Variants in CAST observed in about 807,000 individuals in gnomAD.
CAST encodes the protein MIR583 host.
A neutral mutation model predicts 119.6 loss-of-function variants in CAST; 76 were observed. The observed-to-expected ratio is 0.64, with a 90% CI of 0.53 to 0.77. CAST has a LOEUF of 0.77. Ranked by LOEUF, CAST falls within the 30% of genes least tolerant of loss-of-function variation. The pLI, the probability that CAST is intolerant of heterozygous loss-of-function variation, is 0.00. For synonymous variants in CAST, 319 were observed against 331.6 expected (o/e 0.96, Z 0.41); for missense variants, 953 against 946.5 (o/e 1.01, Z -0.09).
chr5:96,098,641 G>A, the CAST span, among the ~76,000 whole-genome samples: 1 of 152,094 alleles, frequency 6.6e-6, no homozygotes, highest in Non-Finnish European at 1.5e-5. Flanking sequence ...GTAGGTGTGT[G>A]GTCTTATTTC....
At chr5:96,552,510 T>A (rs1338884394) in intron 1 of CAST, among the ~76,000 whole-genome samples, 1 of 151,856 alleles carries the variant, frequency 6.6e-6, no homozygotes, top group Non-Finnish European at 1.5e-5. Context: ...TTAAAAGAAC[T>A]AAAGAAGCAA....
chr5:96,693,073 C>T (rs189225446), intron 2 of CAST, among the ~76,000 whole-genome samples: 1 of 152,198 alleles, frequency 6.6e-6, no homozygotes, highest in African/African-American at 2.4e-5. Flanking sequence ...ATTTTCAGTG[C>T]CAGATGTCAA....
chr5:96,426,027 G>A, the CAST span: 1 of 737,026 alleles, frequency 1.4e-6, no homozygotes, highest in Non-Finnish European at 2.4e-6. Flanking sequence ...CAGAGTTCAG[G>A]CAGCTCTGCA....
At chr5:96,605,725 A>G (rs1406874260) in intron 1 of CAST, among the ~76,000 whole-genome samples, 1 of 152,236 alleles carries the variant, frequency 6.6e-6, no homozygotes, top group East Asian at 1.9e-4. Flanking sequence ...TAGAAACATA[A>G]CTATCTTATT....
the CAST span, among the ~76,000 whole-genome samples, chr5:96,203,480 C>T: frequency 6.6e-6 from 1 of 151,862 alleles, no homozygotes; most frequent in Non-Finnish European, 1.5e-5. Flanking sequence ...AAATTTGTGA[C>T]ATATGTGTTT....
the CAST span, among the ~76,000 whole-genome samples, chr5:96,227,964 A>G: frequency 1.3e-5 from 2 of 151,750 alleles, no homozygotes; most frequent in African/African-American, 4.9e-5. Context: ...TTTCAGCTTC[A>G]CCGATTTCAC....
At chr5:96,435,780 A>C in the CAST span, among the ~76,000 whole-genome samples, 1 of 152,238 alleles carries the variant, frequency 6.6e-6, no homozygotes, top group Non-Finnish European at 1.5e-5. Context: ...CTAAGCATTC[A>C]TTAAGGTTTC....
At chr5:96,662,155 C>A (rs769312998), upstream of CAST, 1 of 391,056 alleles carries the variant, frequency 2.6e-6, no homozygotes, top group East Asian at 4.4e-5. Context: ...GGGGCCGGGG[C>A]GGGTCACCGG....
rs190641582 is a variant in CAST at position 96,557,502 on chromosome 5, G to T, written c.60+27622G>T. Among the ~76,000 whole-genome samples the T allele has an allele frequency of 2.1e-3, 324 of 152,086 alleles. 6 individuals are homozygous for T. The highest frequency in any genetic ancestry group is 3.0e-3 in the Non-Finnish European group (205 of 67,928). On this transcript the variant is annotated intron_variant, in intron 1 of 11. Transcript: ENST00000505143. Reference sequence around the variant, plus strand: ...GACACACACAGGCTCAAAATAAAGGGATGGAGAAAGATCTATCAAGCAAAT... The same window carrying T: ...GACACACACAGGCTCAAAATAAAGGTATGGAGAAAGATCTATCAAGCAAAT...
At chr5:96,623,271 A>G (rs552968537) in intron 1 of CAST, among the ~76,000 whole-genome samples, 123 of 151,834 alleles carry the variant, frequency 8.1e-4, no homozygotes, top group African/African-American at 2.9e-3. Context: ...TTTTTTTTCC[A>G]TGAGTTCAAA....
At chr5:96,204,166 C>T in the CAST span, among the ~76,000 whole-genome samples, 1 of 152,132 alleles carries the variant, frequency 6.6e-6, no homozygotes, top group South Asian at 2.1e-4. Context: ...CCTCTTAATA[C>T]CCAAGTGATA....
chr5:96,186,589 G>A, the CAST span, among the ~76,000 whole-genome samples: 1 of 152,108 alleles, frequency 6.6e-6, no homozygotes, highest in Non-Finnish European at 1.5e-5. Flanking sequence ...AGCTTTTTCT[G>A]CATCTATTGA....
At chr5:96,732,037 C>T (rs530732073) in intron 9 of CAST, among the ~76,000 whole-genome samples, 1 of 151,424 alleles carries the variant, frequency 6.6e-6, no homozygotes, top group Non-Finnish European at 1.5e-5. Context: ...ATGGCTAGGT[C>T]AAATGGTATT....
At chr5:96,051,438 G>A in the CAST span, among the ~76,000 whole-genome samples, 1 of 152,080 alleles carries the variant, frequency 6.6e-6, no homozygotes, top group African/African-American at 2.4e-5. Flanking sequence ...TAAAATTCTG[G>A]CAGGAAGTAG....
chr5:96,391,257 G>C, the CAST span: 1 of 152,184 alleles, frequency 6.6e-6, no homozygotes, highest in Non-Finnish European at 1.5e-5. Context: ...GTGAAAATTT[G>C]TGTTACCAAC....
the CAST span, among the ~76,000 whole-genome samples, chr5:96,264,082 G>T: frequency 6.6e-6 from 1 of 152,174 alleles, no homozygotes; most frequent in Non-Finnish European, 1.5e-5. Flanking sequence ...AGCAAAATTA[G>T]CTTTCATACA....
At chr5:96,422,919 C>T in the CAST span, among the ~76,000 whole-genome samples, 1 of 144,988 alleles carries the variant, frequency 6.9e-6, no homozygotes, top group Non-Finnish European at 1.5e-5. Flanking sequence ...TATAATTTTA[C>T]AATGTCAGGG....
Position 96,730,853 on chromosome 5 carries a change from G to C in CAST, c.623G>C (p.Gly208Ala). Reference protein sequence around the residue: ...AGITAISGKPGDKKKEKKSLT... With the variant: ...AGITAISGKPADKKKEKKSLT... ...ATCACTGCAATATCTGGCAAGCCGG[G>C]TGACAAGGTGAGCACACACAAGCAG... is the stretch of plus-strand genomic sequence containing the variant. Residue 208 changes from glycine (G) to alanine (A), a missense_variant, in exon 9 of 32, where the codon GGT (glycine) becomes GCT (alanine). Physicochemically the swap from Gly to Ala is moderately conservative, Grantham distance 60. Coordinates refer to ENST00000675179, the MANE Select transcript of CAST (RefSeq NM_001750.7). The C allele has an allele frequency of 1.2e-6, 2 of 1,612,178 alleles. No individual in the cohort carries two copies. The highest frequency in any genetic ancestry group is 1.7e-6 in the Non-Finnish European group (2 of 1,178,220).
the CAST span, among the ~76,000 whole-genome samples, chr5:96,402,339 T>C: frequency 6.6e-6 from 1 of 152,212 alleles, no homozygotes; most frequent in Non-Finnish European, 1.5e-5. Context: ...GAGAGGAGTT[T>C]CCATGAAGGC....
Sources: allele counts gnomAD v4.1 joint callset (sites outside exome capture counted in the v4.1 genomes callset), GRCh38; gene constraint gnomAD v4.1.1; transcripts MANE v1.5; gene names NCBI Gene and HGNC (gene_info 2026-07-23, HGNC 2026-07-21).